Variants in SLC2A9 observed in about 807,000 individuals in gnomAD.
SLC2A9 encodes the protein solute carrier family 2, facilitated glucose transporter member 9.
In SLC2A9, 39 loss-of-function variants were observed where a neutral mutation model predicts 50.6. That is an observed-to-expected ratio of 0.77 (90% CI 0.60 to 1.01). The LOEUF (loss-of-function observed/expected upper bound fraction) is 1.01, where lower values mean the gene tolerates loss of function less well. Among genes scored for constraint, SLC2A9 ranks in the 50% least tolerant of loss-of-function variants. The probability of loss-of-function intolerance (pLI) is 0.00; values close to 1 mark genes in which losing one functional copy is unlikely to be tolerated. For missense variants in SLC2A9, 686 were observed against 677.6 expected (o/e 1.01, Z -0.14); for synonymous variants, 324 against 276.9 (o/e 1.17, Z -1.69).
At chr4:9,936,551 G>C (rs751354977) in intron 6 of SLC2A9, among the ~76,000 whole-genome samples, 22 of 152,214 alleles carry the variant, frequency 1.4e-4, no homozygotes, top group Non-Finnish European at 3.1e-4. Context: ...ACACCAGAAT[G>C]TTTCTCAAGC....
In SLC2A9 at chr4:9,941,949, G is replaced by A; in HGVS notation, c.778C>T (p.Leu260Phe). Residue 260 changes from leucine to phenylalanine, a missense_variant, in exon 6 of 12, where the codon CTC becomes TTC. Physicochemically the swap from Leu to Phe is conservative, Grantham distance 22. Coordinates refer to ENST00000264784, the MANE Select transcript of SLC2A9 (RefSeq NM_020041.3). Reference sequence around the variant, plus strand: ...CTTGCCTCGTTGTGCTTCTCCAAGAGCAGGTAGCGTGGGCTGTCCGGGAGA... The same window carrying A: ...CTTGCCTCGTTGTGCTTCTCCAAGAACAGGTAGCGTGGGCTGTCCGGGAGA... ...PFLPDSPRYL[L>F]LEKHNEARAV... The A allele has an allele frequency of 1.2e-6, 2 of 1,614,186 alleles. No homozygotes were observed. Among genetic ancestry groups the A allele is most frequent in the South Asian group, 2.2e-5 (2 of 91,074 alleles).
intron 3 of SLC2A9, among the ~76,000 whole-genome samples, chr4:9,991,107 T>C (rs571631626): frequency 6.6e-6 from 1 of 152,318 alleles, no homozygotes; most frequent in South Asian, 2.1e-4. Flanking sequence ...TGGGTGACTC[T>C]GTGGTGTGAT....
rs1459864105 is a variant in SLC2A9, at chr4:10,019,002, G to T, written c.222C>A (p.Asn74Lys). ...AFGSSFLYGY[N>K]LSVVNAPTPY... is the part of the protein sequence containing the mutation. Reference sequence around the variant, plus strand: ...GGGTGGGGGCATTCACCACCGACAGGTTGTAGCCGTAGAGGAAGGAGGAGC... The same window carrying T: ...GGGTGGGGGCATTCACCACCGACAGTTTGTAGCCGTAGAGGAAGGAGGAGC... The change falls in exon 2 of 12, where the codon AAC (asparagine) becomes AAA (lysine). Residue 74 changes from asparagine to lysine, a missense_variant. Asn to Lys is a moderately conservative substitution (Grantham distance 94). Transcript: ENST00000264784. The T allele has an allele frequency of 6.4e-7, 1 of 1,550,476 alleles. No homozygotes were observed. The highest frequency in any genetic ancestry group is 2.0e-5 in the Admixed American group (1 of 51,016).
chr4:9,776,518 G>T (rs1717591219), downstream of SLC2A9, among the ~76,000 whole-genome samples: 1 of 151,970 alleles, frequency 6.6e-6, no homozygotes, highest in South Asian at 2.1e-4. Context: ...TCAGAGGCCG[G>T]CACAGCAAGA....
intron 10 of SLC2A9, among the ~76,000 whole-genome samples, chr4:9,857,360 C>T (rs141720595): frequency 0.022 from 3,286 of 152,282 alleles, 47 homozygotes; most frequent in Non-Finnish European, 0.028. Flanking sequence ...AGATAGAGCC[C>T]GGAAGGAGCC....
chr4:9,860,877 C>A (rs1731510705), intron 10 of SLC2A9, among the ~76,000 whole-genome samples: 1 of 152,186 alleles, frequency 6.6e-6, no homozygotes, highest in South Asian at 2.1e-4. Flanking sequence ...GCCTTTGTAC[C>A]AGCTGCTCCT....
exon 1 of SLC2A9, chr4:10,040,161 C>G (rs958459837): frequency 6.6e-6 from 1 of 152,294 alleles, no homozygotes; most frequent in Non-Finnish European, 1.5e-5. Context: ...TCGAATCTTC[C>G]TCTGCATCTC....
chr4:9,981,346 G>C (rs1322102298), intron 4 of SLC2A9, among the ~76,000 whole-genome samples: 1 of 27,048 alleles, frequency 3.7e-5, no homozygotes, highest in Non-Finnish European at 8.0e-5. Flanking sequence ...TGGTGGTGGT[G>C]ATGGTGATGG....
chr4:9,786,362 T>C (rs577575068), intron 3 of SLC2A9, among the ~76,000 whole-genome samples: 3 of 152,234 alleles, frequency 2.0e-5, no homozygotes, highest in Non-Finnish European at 4.4e-5. Context: ...GAGTCTTTAA[T>C]CCTAACTGCT....
chr4:9,832,278 T>C (rs940788047), intron 11 of SLC2A9, among the ~76,000 whole-genome samples: 13 of 152,128 alleles, frequency 8.5e-5, no homozygotes, highest in African/African-American at 3.1e-4. Context: ...TCAGAACTTG[T>C]TAGCCCTGTA....
rs1400882146 is a variant in SLC2A9 at position 9,839,384 on chromosome 4, TG to T, written c.1292-4377del. ...AAAAGGAACATTTATACACTGTTCG[TG>T]GGAGTGTAAATTAGTTCAACCATTA... On this transcript the variant is annotated intron_variant, in intron 10 of 11. Coordinates refer to ENST00000264784, the MANE Select transcript of SLC2A9 (RefSeq NM_020041.3). Among the ~76,000 whole-genome samples, 9 of 152,214 alleles carry T rather than the reference TG, an allele frequency of 5.9e-5. No individual in the cohort carries two copies. The East Asian group carries it at 1.7e-3, about 29-fold the overall frequency.
At chr4:10,040,205 C>G (rs1288424594) in exon 1 of SLC2A9, 3 of 152,206 alleles carry the variant, frequency 2.0e-5, no homozygotes, top group Non-Finnish European at 4.4e-5. Flanking sequence ...CTCTGGAGTC[C>G]AGAATGTTTA....
At chr4:9,850,326 C>A (rs905805234) in intron 10 of SLC2A9, among the ~76,000 whole-genome samples, 2 of 152,162 alleles carry the variant, frequency 1.3e-5, no homozygotes, top group African/African-American at 4.8e-5. Flanking sequence ...CTGTGTGTTG[C>A]CCAGAGGGTT....
At chr4:9,989,206 C>G (rs914313708) in intron 3 of SLC2A9, among the ~76,000 whole-genome samples, 1 of 152,140 alleles carries the variant, frequency 6.6e-6, no homozygotes, top group Non-Finnish European at 1.5e-5. Context: ...ATATGCCTGG[C>G]AAAACCCCAG....
intron 3 of SLC2A9, among the ~76,000 whole-genome samples, chr4:9,819,481 G>A (rs185107461): frequency 1.3e-5 from 2 of 152,176 alleles, no homozygotes; most frequent in African/African-American, 4.8e-5. Context: ...CCTTGTGCCT[G>A]TTCATAGCTT....
intron 10 of SLC2A9, among the ~76,000 whole-genome samples, chr4:9,872,231 C>A (rs13148571): frequency 0.46 from 69,919 of 152,026 alleles, 19,051 homozygotes; most frequent in Non-Finnish European, 0.62. Context: ...AAAGTCACAG[C>A]AAAATTCCAA....
downstream of SLC2A9, chr4:9,798,525 T>G (rs1720890711): frequency 7.0e-6 from 1 of 143,482 alleles, no homozygotes; most frequent in South Asian, 2.5e-4. Flanking sequence ...CCACCCCCAA[T>G]GTCAATCCAT....
intron 10 of SLC2A9, among the ~76,000 whole-genome samples, chr4:9,871,322 A>C (rs1042275231): frequency 6.6e-6 from 1 of 152,102 alleles, no homozygotes; most frequent in Non-Finnish European, 1.5e-5. Flanking sequence ...GTCACAAATC[A>C]CCACAAACAT....
At chr4:9,879,819 C>T (rs1487994696) in intron 10 of SLC2A9, 17 of 985,398 alleles carry the variant, frequency 1.7e-5, no homozygotes, top group Non-Finnish European at 1.9e-5. Flanking sequence ...AAAGGTGAAG[C>T]TCTTTTATTT....
Sources: allele counts gnomAD v4.1 joint callset (sites outside exome capture counted in the v4.1 genomes callset), GRCh38; gene constraint gnomAD v4.1.1; transcripts MANE v1.5; gene names NCBI Gene and HGNC (gene_info 2026-07-23, HGNC 2026-07-21).